The following ACSBG1 variants were observed in gnomAD, a reference collection of about 807,000 sequenced individuals.
The protein encoded by ACSBG1 is acyl-CoA synthetase bubblegum family member 1, also known as long-chain-fatty-acid--CoA ligase ACSBG1.
A neutral mutation model predicts 80.2 loss-of-function variants in ACSBG1; 39 were observed. That is an observed-to-expected ratio of 0.49 (90% CI 0.38 to 0.64). The LOEUF (loss-of-function observed/expected upper bound fraction) is 0.64, where lower values mean the gene tolerates loss of function less well. Among genes scored for constraint, ACSBG1 ranks in the 30% least tolerant of loss-of-function variants. ACSBG1 has a pLI of 0.00. For missense variants in ACSBG1, 828 were observed against 966.4 expected, an observed-to-expected ratio of 0.86 and a Z score of 1.90; for synonymous variants, 392 against 379.5, an observed-to-expected ratio of 1.03 and a Z score of -0.38.
At chr15:78,193,179 C>A (rs1003606343) in intron 5 of ACSBG1, among the ~76,000 whole-genome samples, 1 of 152,204 alleles carries the variant, frequency 6.6e-6, no homozygotes, top group African/African-American at 2.4e-5. Context: ...CTTCCACTGC[C>A]AGAGGACCCC....
chr15:78,219,023 G>A (rs2075337485), intron 1 of ACSBG1, among the ~76,000 whole-genome samples: 2 of 152,070 alleles, frequency 1.3e-5, no homozygotes, highest in South Asian at 4.1e-4. Flanking sequence ...CGTTGGCCAG[G>A]CTGGTCTCAA....
At position 78,178,244 on chromosome 15, in the gene ACSBG1, T is replaced by C. The variant is rs2074903071; in HGVS notation, c.1702+370A>G. On this transcript the variant is annotated intron_variant, in intron 11 of 13. Coordinates refer to ENST00000258873, the MANE Select transcript of ACSBG1 (RefSeq NM_015162.5). The surrounding 1 kb of genome is among the most constrained non-coding windows in gnomAD (Gnocchi z 4.3). Reference sequence around the variant, plus strand: ...GTGTAAACAGTGCTGGCAGTGGAATTCCTGCTCCCACCCCACTGCAGCTGT... The same window carrying C: ...GTGTAAACAGTGCTGGCAGTGGAATCCCTGCTCCCACCCCACTGCAGCTGT... Among the ~76,000 whole-genome samples the C allele has an allele frequency of 6.6e-6, 1 of 152,170 alleles. No individual in the cohort carries two copies. The highest frequency in any genetic ancestry group is 2.4e-5 in the African/African-American group (1 of 41,444).
chr15:78,205,290 C>G (rs546412772), intron 2 of ACSBG1, among the ~76,000 whole-genome samples: 2 of 152,286 alleles, frequency 1.3e-5, no homozygotes, highest in East Asian at 3.9e-4. Flanking sequence ...AGAGCTCAGC[C>G]TGGGGACCAG....
chr15:78,234,343 G>A (rs1316380850), intron 1 of ACSBG1, 28 bp downstream of exon 1: 1 of 1,604,794 alleles, frequency 6.2e-7, no homozygotes, highest in Admixed American at 1.7e-5. Flanking sequence ...CACAGGTGCA[G>A]TGTGCAGAAA....
At chr15:78,200,840 C>G (rs562498569) in intron 2 of ACSBG1, among the ~76,000 whole-genome samples, 52 of 152,156 alleles carry the variant, frequency 3.4e-4, no homozygotes, top group Non-Finnish European at 1.2e-4. Flanking sequence ...CTCAAAAGCC[C>G]CCGATGGCTC....
Position 78,208,106 on chromosome 15 carries a change from G to A in ACSBG1, c.132-4C>T, listed in dbSNP as rs753453786. On this transcript the variant is annotated splice_polypyrimidine_tract_variant and splice_region_variant and intron_variant, in intron 1 of 13. Coordinates refer to ENST00000258873, the MANE Select transcript of ACSBG1 (RefSeq NM_015162.5). ...TGGCTGCCTGTCAGTCAGTGAGCTG[G>A]GGTGGTGAGGGGACCAGGAAAAACA... The A allele has an allele frequency of 1.6e-5, 25 of 1,611,616 alleles. No individual in the cohort carries two copies. The East Asian group carries it at 5.6e-4, about 36-fold the overall frequency.
In ACSBG1 at chr15:78,177,065, C is replaced by T. The variant is rs2074889530; in HGVS notation, c.1702+1549G>A. 6.6e-6 allele frequency among the ~76,000 whole-genome samples: 1 copy of T among 152,122 alleles called. No individual in the cohort carries two copies. The highest frequency in any genetic ancestry group is 2.1e-4 in the South Asian group (1 of 4,828). On this transcript the variant is annotated intron_variant, in intron 11 of 13. Coordinates refer to ENST00000258873, the MANE Select transcript of ACSBG1 (RefSeq NM_015162.5). This position sits in a 1 kb window ranked among gnomAD's most constrained non-coding sequence, Gnocchi z 4.1. The stretch of plus-strand genomic sequence containing the variant: ...CAATACTATAAACATGTATTTTTCT[C>T]ACCAAATTGATCTATAGATTCAATG...
At chr15:78,195,852 C>T (rs1339530240) in intron 2 of ACSBG1, among the ~76,000 whole-genome samples, 1 of 152,110 alleles carries the variant, frequency 6.6e-6, no homozygotes, top group Non-Finnish European at 1.5e-5. Flanking sequence ...CCAGACCCAC[C>T]TCGCCTATTC....
At chr15:78,228,142 TAC>T (rs768855622) in intron 1 of ACSBG1, among the ~76,000 whole-genome samples, 51 of 152,332 alleles carry the variant, frequency 3.3e-4, no homozygotes, top group Non-Finnish European at 5.4e-4. Flanking sequence ...TCACAACCTT[TAC>T]AGTTTCCAAA....
intron 7 of ACSBG1, 70 bp from the exon 8 acceptor site, chr15:78,182,215 A>C (rs1175496983): frequency 1.3e-6 from 2 of 1,544,774 alleles, no homozygotes; most frequent in Non-Finnish European, 8.7e-7. Context: ...AACTGTGGCC[A>C]CCCTGGGGGC....
chr15:78,182,946 T>TC, intron 5 of ACSBG1, 161 bp from the exon 6 acceptor site: 1 of 722,036 alleles, frequency 1.4e-6, no homozygotes, highest in Non-Finnish European at 2.3e-6. Flanking sequence ...ACCCATAGTT[T>TC]CCCTCCTGAG....
intron 1 of ACSBG1, among the ~76,000 whole-genome samples, chr15:78,227,095 C>A (rs2075410347): frequency 6.6e-6 from 1 of 151,152 alleles, no homozygotes; most frequent in African/African-American, 2.4e-5. Context: ...TGCCACACGC[C>A]TGTAGTCCCA....
chr15:78,184,466 A>G (rs1029007195), intron 5 of ACSBG1, among the ~76,000 whole-genome samples: 1 of 152,062 alleles, frequency 6.6e-6, no homozygotes, highest in South Asian at 2.1e-4. Context: ...TATACGAATG[A>G]GCTGCTGCAC....
chr15:78,230,958 C>G (rs1411015469), intron 1 of ACSBG1, among the ~76,000 whole-genome samples: 2 of 152,208 alleles, frequency 1.3e-5, no homozygotes, highest in Non-Finnish European at 2.9e-5. Flanking sequence ...CAACAATGAT[C>G]TCTCTGCCTT....
At chr15:78,231,662 C>T (rs1447802611) in intron 1 of ACSBG1, among the ~76,000 whole-genome samples, 2 of 152,080 alleles carry the variant, frequency 1.3e-5, no homozygotes, top group Non-Finnish European at 2.9e-5. Flanking sequence ...GTTAATAGCT[C>T]ATTGCAGCCT....
chr15:78,176,622 A>C (rs1047865455), intron 11 of ACSBG1, among the ~76,000 whole-genome samples: 1 of 152,224 alleles, frequency 6.6e-6, no homozygotes, highest in African/African-American at 2.4e-5. Context: ...ATGTGCAAAA[A>C]TCTCTACACT....
At chr15:78,174,364 G>A in intron 12 of ACSBG1, 21 bp downstream of exon 12, 1 of 1,614,128 alleles carries the variant, frequency 6.2e-7, no homozygotes, top group Non-Finnish European at 8.5e-7. Context: ...CTCCTTCTGA[G>A]CTGGAGCCCC....
intron 1 of ACSBG1, among the ~76,000 whole-genome samples, chr15:78,219,356 G>A (rs1223648287): frequency 2.0e-5 from 3 of 149,708 alleles, no homozygotes; most frequent in South Asian, 2.1e-4. Flanking sequence ...GCAGTGAGCC[G>A]AGATTGTGCC....
At chr15:78,207,184 C>T (rs1017885886) in intron 2 of ACSBG1, among the ~76,000 whole-genome samples, 1 of 152,120 alleles carries the variant, frequency 6.6e-6, no homozygotes, top group Non-Finnish European at 1.5e-5. Context: ...AAACCATTCT[C>T]AGAAACCAGT....
Sources: allele counts gnomAD v4.1 joint callset (sites outside exome capture counted in the v4.1 genomes callset), GRCh38; gene constraint gnomAD v4.1.1; non-coding constraint Gnocchi (gnomAD v3.1); transcripts MANE v1.5; gene names NCBI Gene and HGNC (gene_info 2026-07-23, HGNC 2026-07-21).